ITSN2: variants seen among roughly 807,000 people sequenced by gnomAD.
The protein encoded by ITSN2 is intersectin-2.
Under a neutral mutation model 243.7 loss-of-function variants are expected in ITSN2, and 156 were observed. That is an observed-to-expected ratio of 0.64 (90% CI 0.56 to 0.73). ITSN2 has a LOEUF of 0.73. Ranked by LOEUF, ITSN2 falls within the 30% of genes least tolerant of loss-of-function variation. ITSN2 has a pLI of 0.00. For missense variants in ITSN2, 1,801 were observed against 1,996.1 expected (o/e 0.90, Z 1.86); for synonymous variants, 703 against 699.9 (o/e 1.00, Z -0.07).
chr2:24,327,456 A>G (rs1219223440), intron 2 of ITSN2, among the ~76,000 whole-genome samples: 1 of 150,924 alleles, frequency 6.6e-6, no homozygotes, highest in Non-Finnish European at 1.5e-5. Context: ...CCATGACCAC[A>G]CTCGGCTAGT....
chr2:24,273,122 G>A (rs1677578884), intron 18 of ITSN2, among the ~76,000 whole-genome samples: 1 of 152,092 alleles, frequency 6.6e-6, no homozygotes. Context: ...ATTCCTGAAG[G>A]AATCTCGAAA....
intron 29 of ITSN2, among the ~76,000 whole-genome samples, chr2:24,231,720 G>A (rs181289065): frequency 6.6e-6 from 1 of 152,308 alleles, no homozygotes; most frequent in East Asian, 1.9e-4. Flanking sequence ...ATTCCAGGAG[G>A]TAAAGGACAA....
chr2:24,260,996 C>T (rs1273133968), intron 22 of ITSN2, 110 bp downstream of exon 22: 14 of 894,884 alleles, frequency 1.6e-5, no homozygotes, highest in Non-Finnish European at 2.2e-5. Flanking sequence ...AAACTGAATG[C>T]TACAAACTCT....
intron 1 of ITSN2, among the ~76,000 whole-genome samples, chr2:24,337,649 T>A (rs1156431247): frequency 1.9e-5 from 2 of 103,600 alleles, no homozygotes; most frequent in African/African-American, 6.9e-5. Flanking sequence ...CACGCCTGGC[T>A]TTTTTTTTTT....
At chr2:24,257,852 C>T (rs1375086060) in intron 23 of ITSN2, 36 bp downstream of exon 23, 5 of 1,476,962 alleles carry the variant, frequency 3.4e-6, no homozygotes, top group East Asian at 4.5e-5. Flanking sequence ...AAAATACCAA[C>T]ATCCACATCT....
chr2:24,261,008 G>T, intron 22 of ITSN2, 98 bp downstream of exon 22: 1 of 1,057,598 alleles, frequency 9.5e-7, no homozygotes, highest in Non-Finnish European at 1.4e-6. Context: ...ACAAACTCTG[G>T]TTAAATGAGT....
chr2:24,301,881 T>C (rs1406632076), intron 10 of ITSN2, 84 bp downstream of exon 10: 4 of 1,254,494 alleles, frequency 3.2e-6, no homozygotes, highest in African/African-American at 1.5e-5. Context: ...CTAAAATCAA[T>C]GGCAGTGCAA....
chr2:24,207,112 G>A (rs1160336719), intron 37 of ITSN2, among the ~76,000 whole-genome samples: 1 of 152,126 alleles, frequency 6.6e-6, no homozygotes, highest in Non-Finnish European at 1.5e-5. Context: ...GTTAATTTGG[G>A]AGGCAATAGG....
At chr2:24,232,193 T>C (rs1037034247) in intron 29 of ITSN2, among the ~76,000 whole-genome samples, 2 of 152,234 alleles carry the variant, frequency 1.3e-5, no homozygotes, top group Non-Finnish European at 2.9e-5. Flanking sequence ...TTAGGAGCTA[T>C]GTTGCTCCTG....
At chr2:24,336,338 T>C (rs1167820205) in intron 1 of ITSN2, among the ~76,000 whole-genome samples, 1 of 152,068 alleles carries the variant, frequency 6.6e-6, no homozygotes, top group Admixed American at 6.5e-5. Flanking sequence ...AAATAAATGT[T>C]ATTGGCTTGA....
chr2:24,327,996 A>G, intron 2 of ITSN2, 56 bp downstream of exon 2: 2 of 1,300,134 alleles, frequency 1.5e-6, no homozygotes, highest in South Asian at 1.3e-5. Context: ...TTAAACCTCT[A>G]CCAAAAAAAA....
At chr2:24,325,928 T>TACAC (rs776133866) in intron 2 of ITSN2, among the ~76,000 whole-genome samples, 47 of 151,574 alleles carry the variant, frequency 3.1e-4, no homozygotes, top group Non-Finnish European at 5.8e-4. Context: ...CGTATATACA[T>TACAC]ACACACACAC....
intron 22 of ITSN2, among the ~76,000 whole-genome samples, chr2:24,260,891 G>A (rs530597130): frequency 1.4e-3 from 178 of 126,296 alleles, no homozygotes; most frequent in African/African-American, 5.3e-3. Flanking sequence ...GCAACAGAGT[G>A]AGGCTCCGTC....
intron 17 of ITSN2, among the ~76,000 whole-genome samples, chr2:24,276,785 A>G (rs928862812): frequency 2.0e-5 from 3 of 152,220 alleles, no homozygotes; most frequent in African/African-American, 7.2e-5. Context: ...CAAAGGACAT[A>G]AGCATAATCC....
chr2:24,296,402 T>C (rs961332364), intron 13 of ITSN2, among the ~76,000 whole-genome samples: 6 of 152,184 alleles, frequency 3.9e-5, no homozygotes, highest in Admixed American at 1.3e-4. Flanking sequence ...AAAATTCATA[T>C]GTTAAAGTCC....
chr2:24,330,031 C>T (rs942858007), intron 1 of ITSN2, among the ~76,000 whole-genome samples: 3 of 152,164 alleles, frequency 2.0e-5, no homozygotes. Flanking sequence ...AGCAAGGGCC[C>T]TTATTCATTA....
intron 4 of ITSN2, among the ~76,000 whole-genome samples, chr2:24,313,041 T>C (rs890384908): frequency 2.6e-5 from 4 of 152,008 alleles, no homozygotes; most frequent in Admixed American, 6.6e-5. Flanking sequence ...TTTCAATAAT[T>C]TGCTCAATAA....
At chr2:24,238,087 T>C (rs907074234) in intron 29 of ITSN2, among the ~76,000 whole-genome samples, 3 of 152,222 alleles carry the variant, frequency 2.0e-5, no homozygotes, top group South Asian at 2.1e-4. Flanking sequence ...ACTTATCTTA[T>C]GGACCTGGCA....
At chr2:24,348,155 A>G (rs376867425) in intron 1 of ITSN2, among the ~76,000 whole-genome samples, 3 of 150,684 alleles carry the variant, frequency 2.0e-5, no homozygotes, top group African/African-American at 7.3e-5. Flanking sequence ...AGAGAAGGCT[A>G]TGGTAAACTT....
Sources: gnomAD v4.1 joint callset for allele counts (sites outside exome capture counted in the v4.1 genomes callset) on GRCh38, gnomAD v4.1.1 for gene constraint, MANE v1.5 for transcripts, NCBI Gene and HGNC (gene_info 2026-07-23, HGNC 2026-07-21) for gene names.